Variants in CYP2C18 observed in about 807,000 individuals in gnomAD.
CYP2C18 encodes cytochrome P450 family 2 subfamily C member 18.
In CYP2C18, 38 loss-of-function variants were observed where a neutral mutation model predicts 41.3. That is an observed-to-expected ratio of 0.92 (90% CI 0.71 to 1.21). The LOEUF is 1.21. Ranked by LOEUF, CYP2C18 falls within the 50% of genes most tolerant of loss-of-function variation. The probability of loss-of-function intolerance (pLI) is 0.00; values close to 1 mark genes in which losing one functional copy is unlikely to be tolerated. For missense variants in CYP2C18, 635 were observed against 591.4 expected (o/e 1.07, Z -0.77); for synonymous variants, 236 against 210.0 (o/e 1.12, Z -1.07).
chr10:94,711,969 G>A (rs1391100668), intron 5 of CYP2C18, among the ~76,000 whole-genome samples: 1 of 147,682 alleles, frequency 6.8e-6, no homozygotes, highest in African/African-American at 2.5e-5. Context: ...AGCCTCCTAA[G>A]TATATGGGAC....
chr10:94,720,997 A>C (rs976972643), intron 6 of CYP2C18, among the ~76,000 whole-genome samples: 1 of 152,036 alleles, frequency 6.6e-6, no homozygotes, highest in African/African-American at 2.4e-5. Flanking sequence ...TTTGAGTAAT[A>C]GATATGCTCT....
chr10:94,684,416 T>C (rs1182588534), intron 1 of CYP2C18, among the ~76,000 whole-genome samples: 1 of 152,162 alleles, frequency 6.6e-6, no homozygotes, highest in South Asian at 2.1e-4. Flanking sequence ...AGTTTAACTT[T>C]TTAAGATTCC....
intron 8 of CYP2C18, among the ~76,000 whole-genome samples, chr10:94,734,508 G>A (rs1238787442): frequency 6.6e-6 from 1 of 152,170 alleles, no homozygotes; most frequent in Non-Finnish European, 1.5e-5. Flanking sequence ...GAGAGGGTGA[G>A]TTTCTATTGA....
chr10:94,712,759 C>A (rs1388004628), intron 5 of CYP2C18, among the ~76,000 whole-genome samples: 15 of 152,248 alleles, frequency 9.9e-5, no homozygotes, highest in Admixed American at 8.5e-4. Context: ...TTTTGAGGAA[C>A]CTTTTACTGT....
chr10:94,711,699 C>T (rs1847438334), intron 5 of CYP2C18, among the ~76,000 whole-genome samples: 1 of 152,162 alleles, frequency 6.6e-6, no homozygotes, highest in Admixed American at 6.6e-5. Flanking sequence ...GCATGAGCCA[C>T]TGTGCCCAGT....
Position 94,683,925 on chromosome 10 carries a change from CTCCCGATTATTGGAAATA to C in CYP2C18, c.110_127del (p.Pro37_Ile42del). On this transcript the variant is annotated inframe_deletion, in exon 1 of 9. Coordinates refer to ENST00000285979, the MANE Select transcript of CYP2C18 (RefSeq NM_000772.3). ...GAGGCTCCCGTCTGGCCCCACTCCT[CTCCCGATTATTGGAAATA>C]TCCTGCAGTTAGATGTTAAGGACAT... The C allele has an allele frequency of 6.2e-7, 1 of 1,610,740 alleles. No homozygotes were observed. The highest frequency in any genetic ancestry group is 1.7e-5 in the Admixed American group (1 of 59,504).
intron 4 of CYP2C18, among the ~76,000 whole-genome samples, chr10:94,697,690 T>G (rs1175836982): frequency 6.6e-6 from 1 of 152,142 alleles, no homozygotes; most frequent in Non-Finnish European, 1.5e-5. Flanking sequence ...ACTGGCAAAT[T>G]GGATAAAGAG....
At chr10:94,709,774 G>A (rs1456738557) in intron 5 of CYP2C18, among the ~76,000 whole-genome samples, 1 of 152,076 alleles carries the variant, frequency 6.6e-6, no homozygotes, top group African/African-American at 2.4e-5. Flanking sequence ...GTCAATTTTT[G>A]ATTATAGTGT....
intron 5 of CYP2C18, among the ~76,000 whole-genome samples, chr10:94,712,507 C>G (rs1847457527): frequency 6.6e-6 from 1 of 152,112 alleles, no homozygotes; most frequent in Admixed American, 6.6e-5. Flanking sequence ...CCTGTTATCA[C>G]AAATAACAGA....
intron 5 of CYP2C18, among the ~76,000 whole-genome samples, chr10:94,710,767 G>T (rs74152332): frequency 0.025 from 3,852 of 152,274 alleles, 149 homozygotes; most frequent in African/African-American, 0.075. Flanking sequence ...TGTCTAGCAA[G>T]TACATCTGTT....
chr10:94,711,397 T>C (rs1847433462), intron 5 of CYP2C18, among the ~76,000 whole-genome samples: 1 of 152,142 alleles, frequency 6.6e-6, no homozygotes, highest in Non-Finnish European at 1.5e-5. Context: ...GCAGGCAATA[T>C]TGAGTGTGAC....
chr10:94,703,073 C>G (rs138917611), intron 4 of CYP2C18, among the ~76,000 whole-genome samples: 287 of 152,314 alleles, frequency 1.9e-3, no homozygotes, highest in African/African-American at 6.2e-3. Flanking sequence ...GGCTGCAGAA[C>G]AGCAAAGATT....
chr10:94,717,350 T>C (rs1240522980), intron 5 of CYP2C18, among the ~76,000 whole-genome samples: 2 of 152,180 alleles, frequency 1.3e-5, no homozygotes, highest in Non-Finnish European at 2.9e-5. Flanking sequence ...TAGTGCTTCC[T>C]TCTGGTGCTC....
intron 7 of CYP2C18, among the ~76,000 whole-genome samples, chr10:94,731,742 T>C (rs994670246): frequency 6.6e-6 from 1 of 152,210 alleles, no homozygotes; most frequent in Non-Finnish European, 1.5e-5. Context: ...CAATAAATGA[T>C]GCTGGGATGG....
At chr10:94,701,821 G>A (rs1016320073) in intron 4 of CYP2C18, among the ~76,000 whole-genome samples, 2 of 152,112 alleles carry the variant, frequency 1.3e-5, no homozygotes, top group Admixed American at 1.3e-4. Flanking sequence ...AGAATGAGGT[G>A]GAGAGGAGAA....
intron 1 of CYP2C18, 38 bp from the exon 2 acceptor site, chr10:94,687,732 A>G: frequency 1.3e-6 from 2 of 1,567,392 alleles, no homozygotes; most frequent in Non-Finnish European, 1.7e-6. Flanking sequence ...CCAAATACTG[A>G]GTTTTGCTAC....
chr10:94,724,564 A>G (rs1182297757), intron 7 of CYP2C18, 31 bp downstream of exon 7: 4 of 1,588,920 alleles, frequency 2.5e-6, no homozygotes, highest in East Asian at 2.2e-5. Context: ...CTACATCTCC[A>G]TGCTCTTCAA....
chr10:94,689,693 A>C (rs79678941), intron 3 of CYP2C18, among the ~76,000 whole-genome samples: 7,268 of 152,238 alleles, frequency 0.048, 236 homozygotes, highest in South Asian at 0.12. Flanking sequence ...AATATTTCCC[A>C]ATATTAGAGA....
chr10:94,690,875 A>AAAATCAAT (rs1304392210), intron 3 of CYP2C18, among the ~76,000 whole-genome samples: 1 of 152,198 alleles, frequency 6.6e-6, no homozygotes, highest in East Asian at 1.9e-4. Context: ...CCAACATATG[A>AAAATCAAT]AAATCAATAA....
Sources: allele counts gnomAD v4.1 joint callset (sites outside exome capture counted in the v4.1 genomes callset), GRCh38; gene constraint gnomAD v4.1.1; transcripts MANE v1.5; gene names NCBI Gene and HGNC (gene_info 2026-07-23, HGNC 2026-07-21).